ADAMTSL1: variants seen among roughly 807,000 people sequenced by gnomAD.
ADAMTSL1 encodes the protein ADAMTS like 1.
A neutral mutation model predicts 201.8 loss-of-function variants in ADAMTSL1; 126 were observed. That is an observed-to-expected ratio of 0.62 (90% CI 0.54 to 0.72). ADAMTSL1 has a LOEUF of 0.72. ADAMTSL1 is among the 30% of genes least tolerant of loss of function. ADAMTSL1 has a pLI of 0.00. For synonymous variants in ADAMTSL1, 1,121 were observed against 903.4 expected (o/e 1.24, Z -4.32); for missense variants, 2,679 against 2,277.8 (o/e 1.18, Z -3.59).
chr9:18,887,760 A>C (rs1828988181), intron 23 of ADAMTSL1, 71 bp from the exon 24 acceptor site: 3 of 1,374,754 alleles, frequency 2.2e-6, no homozygotes, highest in Non-Finnish European at 3.1e-6. Context: ...CCACACAGAC[A>C]GTAAACCAGT....
Position 18,503,421 on chromosome 9 carries a change from G to GTGTATATA in ADAMTSL1, c.64-1407_64-1406insGTATATAT, listed in dbSNP as rs376466829. Among the ~76,000 whole-genome samples the GTGTATATA allele has an allele frequency of 1.5e-3, 177 of 115,278 alleles. 15 individuals carry two copies. In the South Asian group the frequency reaches 0.028, roughly 19 times the overall value. The allele number at this position is 115,278 out of a possible 152,430, so 75.6% of individuals were successfully genotyped here. A position where few individuals can be genotyped will look rare whatever the true frequency, so the allele number is the denominator to read the frequency against. ...TTAAGGCTGAATAGTATTCCATTGT[G>GTGTATATA]TATATATATATATATATATACCACA... On this transcript the variant is annotated intron_variant, in intron 1 of 28. Transcript: ENST00000380548.
At chr9:18,557,765 G>A (rs962642803) in intron 3 of ADAMTSL1, among the ~76,000 whole-genome samples, 23 of 152,100 alleles carry the variant, frequency 1.5e-4, no homozygotes, top group African/African-American at 4.1e-4. Flanking sequence ...ATAAATGACT[G>A]GCATAAGAAC....
chr9:18,550,692 G>C (rs184844735), intron 3 of ADAMTSL1, among the ~76,000 whole-genome samples: 1 of 152,020 alleles, frequency 6.6e-6, no homozygotes, highest in African/African-American at 2.4e-5. Context: ...TGCTTTATCT[G>C]GGTGTCTGTA....
At chr9:18,717,206 GCACATGTA>G (rs1273400270) in intron 14 of ADAMTSL1, among the ~76,000 whole-genome samples, 2 of 148,008 alleles carry the variant, frequency 1.4e-5, no homozygotes, top group African/African-American at 5.0e-5. Flanking sequence ...TGCACATTGT[GCACATGTA>G]CCCTAAAACT....
At chr9:18,427,839 T>C (rs1819294254) in intron 2 of ADAMTSL1, among the ~76,000 whole-genome samples, 1 of 152,226 alleles carries the variant, frequency 6.6e-6, no homozygotes, top group African/African-American at 2.4e-5. Flanking sequence ...AAAATGAACG[T>C]AGAGATGATG....
At chr9:17,975,432 A>G (rs1818406230) in intron 1 of ADAMTSL1, among the ~76,000 whole-genome samples, 1 of 152,054 alleles carries the variant, frequency 6.6e-6, no homozygotes, top group Non-Finnish European at 1.5e-5. Context: ...GTCATCTTCT[A>G]GCTGTGTCTT....
chr9:18,304,670 G>A (rs1443635279), intron 2 of ADAMTSL1, among the ~76,000 whole-genome samples: 1 of 150,522 alleles, frequency 6.6e-6, no homozygotes, highest in Admixed American at 6.6e-5. Context: ...TTAGGACTAT[G>A]CTTTAGTATG....
intron 2 of ADAMTSL1, among the ~76,000 whole-genome samples, chr9:18,183,696 A>G (rs1034552550): frequency 3.3e-5 from 5 of 152,196 alleles, no homozygotes; most frequent in Admixed American, 2.0e-4. Flanking sequence ...AGAATGGTCA[A>G]AATCCAAACG....
At chr9:18,072,882 G>A (rs560559462) in intron 1 of ADAMTSL1, among the ~76,000 whole-genome samples, 29 of 152,264 alleles carry the variant, frequency 1.9e-4, no homozygotes, top group Middle Eastern at 3.4e-3. Flanking sequence ...AAGATGAGAC[G>A]ATATTTTTCC....
chr9:18,329,400 T>TAA (rs1834945952), intron 2 of ADAMTSL1, among the ~76,000 whole-genome samples: 1 of 152,186 alleles, frequency 6.6e-6, no homozygotes, highest in Non-Finnish European at 1.5e-5. Context: ...CTCATGGATA[T>TAA]AAGTGGAAGA....
chr9:18,669,269 A>G (rs1829660956), intron 9 of ADAMTSL1, among the ~76,000 whole-genome samples: 1 of 152,276 alleles, frequency 6.6e-6, no homozygotes, highest in Admixed American at 6.5e-5. Context: ...GTACAGAAAG[A>G]AGTAAACAAA....
At position 18,817,537 on chromosome 9, in the gene ADAMTSL1, T is replaced by C. The variant is rs770772140; in HGVS notation, c.3934+300T>C. Among the ~76,000 whole-genome samples, 3 of 152,140 alleles carry C rather than the reference T, an allele frequency of 2.0e-5. No individual in the cohort carries two copies. In the South Asian group the frequency reaches 6.2e-4, roughly 32 times the overall value. On this transcript the variant is annotated intron_variant, in intron 21 of 28. Coordinates refer to ENST00000380548, the MANE Select transcript of ADAMTSL1 (RefSeq NM_001040272.6). Reference sequence around the variant, plus strand: ...AAAGATGGGGGCAAGGAGTTCCAAGTGGACACAGGAGAGTGATAAATTCAT... The same window carrying C: ...AAAGATGGGGGCAAGGAGTTCCAAGCGGACACAGGAGAGTGATAAATTCAT...
At chr9:18,828,687 TA>T (rs1824767672) in intron 22 of ADAMTSL1, among the ~76,000 whole-genome samples, 3 of 108,592 alleles carry the variant, frequency 2.8e-5, no homozygotes, top group African/African-American at 8.7e-5. Context: ...TATATATATA[TA>T]TATATAAAAT....
chr9:18,097,530 C>T (rs971169507), intron 1 of ADAMTSL1, among the ~76,000 whole-genome samples: 7 of 152,162 alleles, frequency 4.6e-5, no homozygotes, highest in African/African-American at 1.7e-4. Flanking sequence ...TTATCTCCAA[C>T]CAGAATTGTA....
At chr9:18,677,766 C>T (rs548204206) in intron 10 of ADAMTSL1, among the ~76,000 whole-genome samples, 1 of 152,166 alleles carries the variant, frequency 6.6e-6, no homozygotes, top group South Asian at 2.1e-4. Context: ...CTTGTATACA[C>T]TCTTGGCATG....
At position 18,366,627 on chromosome 9, in the gene ADAMTSL1, A is replaced by ATTTTTTTT. The variant is rs772034324; in HGVS notation, c.208-138169_208-138162dup. Reference sequence around the variant, plus strand: ...ATGGATAGTGCCTCTGAAATCACTAATTTTTTTTTTTTTTTTTTTTTTTTT... The same window carrying ATTTTTTTT: ...ATGGATAGTGCCTCTGAAATCACTAATTTTTTTTTTTTTTTTTTTTTTTTTTTTTTTTT... On this transcript the variant is annotated intron_variant, in intron 2 of 29. Transcript: ENST00000680146. 1.5e-4 allele frequency among the ~76,000 whole-genome samples: 17 copies of ATTTTTTTT among 112,826 alleles called. 3 individuals are homozygous for ATTTTTTTT. Among genetic ancestry groups the ATTTTTTTT allele is most frequent in the African/African-American group, 5.2e-4 (15 of 29,088 alleles). 74.0% of individuals were successfully genotyped at this position (112,826 alleles called of 152,430 possible). A position where few individuals can be genotyped will look rare whatever the true frequency, so the allele number is the denominator to read the frequency against.
chr9:18,571,738 G>A (rs1822316255), intron 3 of ADAMTSL1, among the ~76,000 whole-genome samples: 1 of 152,134 alleles, frequency 6.6e-6, no homozygotes, highest in African/African-American at 2.4e-5. Flanking sequence ...GTTGTTTTAG[G>A]GCAGAAGTTA....
intron 1 of ADAMTSL1, among the ~76,000 whole-genome samples, chr9:18,014,948 G>A (rs150275056): frequency 4.6e-5 from 7 of 152,192 alleles, no homozygotes; most frequent in African/African-American, 9.6e-5. Context: ...AAGAAAAGCC[G>A]TGTTAAAGTT....
chr9:18,501,363 T>C (rs1463520591), intron 1 of ADAMTSL1, among the ~76,000 whole-genome samples: 1 of 151,718 alleles, frequency 6.6e-6, no homozygotes, highest in Non-Finnish European at 1.5e-5. Flanking sequence ...ATACAAAAAT[T>C]AGCCGGGCGT....
Sources: allele counts gnomAD v4.1 joint callset (sites outside exome capture counted in the v4.1 genomes callset), GRCh38; gene constraint gnomAD v4.1.1; transcripts MANE v1.5; gene names NCBI Gene and HGNC (gene_info 2026-07-23, HGNC 2026-07-21).